Variants in GDAP1 observed in about 807,000 individuals in gnomAD.
The protein encoded by GDAP1 is ganglioside induced differentiation associated protein 1.
GDAP1 carries 34 observed loss-of-function variants against 40.1 expected under a neutral mutation model. The observed-to-expected ratio is 0.85, with a 90% CI of 0.64 to 1.13. GDAP1 has a LOEUF of 1.13. Among genes scored for constraint, GDAP1 ranks in the 50% most tolerant of loss-of-function variants. The probability of loss-of-function intolerance (pLI) is 0.00; values close to 1 mark genes in which losing one functional copy is unlikely to be tolerated. For synonymous variants in GDAP1, 170 were observed against 157.4 expected (o/e 1.08, Z -0.60); for missense variants, 374 against 433.7 (o/e 0.86, Z 1.22).
rs138993604 is a variant in GDAP1, at chr8:74,463,760, G to A, written c.166-24918G>A. Among the ~76,000 whole-genome samples, 122 of 152,174 alleles carry A rather than the reference G, an allele frequency of 8.0e-4. 1 individual carries two copies. Among genetic ancestry groups the A allele is most frequent in the African/African-American group, 2.8e-3 (115 of 41,518 alleles). On this transcript the variant is annotated intron_variant, in intron 2 of 2. Coordinates refer to the GDAP1 transcript ENST00000523640. ...AAATTGGAATATCAACCTTAAAATG[G>A]TTACTACCACAATTACAAGAAAGCA...
At chr8:74,362,090 A>G in intron 4 of GDAP1, 112 bp downstream of exon 4, 2 of 707,926 alleles carry the variant, frequency 2.8e-6, no homozygotes, top group Non-Finnish European at 2.5e-6. Flanking sequence ...GCAGTTCACC[A>G]GTACACATGT....
intron 2 of GDAP1, among the ~76,000 whole-genome samples, chr8:74,447,990 G>A (rs1455809195): frequency 6.6e-6 from 1 of 152,164 alleles, no homozygotes; most frequent in African/African-American, 2.4e-5. Context: ...CTGTGTTTTG[G>A]ATAAGGGATA....
At chr8:74,424,974 A>G (rs1485848261) in intron 2 of GDAP1, among the ~76,000 whole-genome samples, 4 of 152,180 alleles carry the variant, frequency 2.6e-5, no homozygotes, top group Admixed American at 6.5e-5. Context: ...TCTTCATCCC[A>G]TAAGATGAGA....
At chr8:74,372,095 A>T (rs1178985891) in intron 2 of GDAP1, among the ~76,000 whole-genome samples, 1 of 152,202 alleles carries the variant, frequency 6.6e-6, no homozygotes, top group East Asian at 1.9e-4. Context: ...AAAGGACATG[A>T]ACTCATCATT....
intron 2 of GDAP1, among the ~76,000 whole-genome samples, chr8:74,420,110 T>C (rs1805836710): frequency 6.6e-6 from 1 of 152,220 alleles, no homozygotes; most frequent in Admixed American, 6.5e-5. Context: ...ACTTTGTTCT[T>C]TTTCTGGATT....
intron 2 of GDAP1, among the ~76,000 whole-genome samples, chr8:74,356,716 A>ATATATATATATTTTTTTTTTT (rs375377157): frequency 9.6e-6 from 1 of 104,362 alleles, no homozygotes; most frequent in Non-Finnish European, 1.8e-5. Context: ...ATATATATAT[A>ATATATATATATTTTTTTTTTT]TTTTTTTTTT....
In GDAP1 at chr8:74,365,953, T is replaced by C. The variant is rs1351568578; in HGVS notation, c.*1586T>C. 6.6e-6 allele frequency: 3 copies of C among 452,748 alleles called. No individual in the cohort carries two copies. Among genetic ancestry groups the C allele is most frequent in the Admixed American group, 2.4e-5 (1 of 42,370 alleles). 28.0% of individuals were successfully genotyped at this position (452,748 alleles called of 1,614,324 possible). ...TATTCATTAGAGCCATAGAAGTTAT[T>C]ATTCATTAGTTCATAGTGTTTGAGT... On this transcript the variant is annotated 3_prime_UTR_variant, in exon 6 of 6. Transcript: ENST00000220822.
In GDAP1 at chr8:74,364,505, A is replaced by G. The variant is rs1809529907; in HGVS notation, c.*138A>G. 1.1e-6 allele frequency: 1 copy of G among 887,814 alleles called. No individual in the cohort carries two copies. The highest frequency in any genetic ancestry group is 1.6e-5 in the African/African-American group (1 of 61,058). 55.0% of individuals were successfully genotyped at this position (887,814 alleles called of 1,614,324 possible). The stretch of plus-strand genomic sequence containing the variant: ...ATTCAGAAGTCATCTTTGTTACACA[A>G]CACAGGGGTTCAGGTAGCAATAGGA... On this transcript the variant is annotated 3_prime_UTR_variant, in exon 6 of 6. Transcript: ENST00000220822.
intron 2 of GDAP1, among the ~76,000 whole-genome samples, chr8:74,406,938 G>T (rs1805648453): frequency 6.7e-6 from 1 of 149,656 alleles, no homozygotes; most frequent in Non-Finnish European, 1.5e-5. Flanking sequence ...ACTTAGAATG[G>T]CTGTTAATCA....
chr8:74,397,456 C>A (rs1399331942), intron 2 of GDAP1, among the ~76,000 whole-genome samples: 1 of 152,066 alleles, frequency 6.6e-6, no homozygotes, highest in East Asian at 1.9e-4. Flanking sequence ...AATGGTAATG[C>A]CTAGGTTTTC....
chr8:74,481,307 G>C (rs996245134), intron 2 of GDAP1, among the ~76,000 whole-genome samples: 1 of 152,220 alleles, frequency 6.6e-6, no homozygotes, highest in Non-Finnish European at 1.5e-5. Flanking sequence ...AGCCAGGTCA[G>C]TTCTACTACC....
At chr8:74,356,716 A>ATATATATATATTTTTTTTTTTT (rs375377157) in intron 2 of GDAP1, among the ~76,000 whole-genome samples, 1 of 104,362 alleles carries the variant, frequency 9.6e-6, no homozygotes, top group African/African-American at 4.1e-5. Context: ...ATATATATAT[A>ATATATATATATTTTTTTTTTTT]TTTTTTTTTT....
chr8:74,458,520 G>T (rs546949976), intron 2 of GDAP1, among the ~76,000 whole-genome samples: 95 of 152,264 alleles, frequency 6.2e-4, no homozygotes, highest in African/African-American at 2.1e-3. Context: ...AGGAAGCAGT[G>T]CAAGGTCCAT....
chr8:74,371,366 A>G (rs1485940261), downstream of GDAP1, among the ~76,000 whole-genome samples: 3 of 152,350 alleles, frequency 2.0e-5, no homozygotes, highest in Non-Finnish European at 2.9e-5. Context: ...ATCATAAGGG[A>G]ATAAGAAAAT....
chr8:74,472,714 C>A (rs570739811), intron 2 of GDAP1, among the ~76,000 whole-genome samples: 16 of 10,096 alleles, frequency 1.6e-3, no homozygotes, highest in Admixed American at 4.8e-3. Context: ...GCTTTCTTTT[C>A]TTTTCTTTTC....
rs557169252 is a variant in GDAP1 at position 74,483,641 on chromosome 8, A to G, written c.166-5037A>G. Among the ~76,000 whole-genome samples the G allele has an allele frequency of 3.3e-5, 5 of 152,294 alleles. No individual in the cohort carries two copies. In the East Asian group the frequency reaches 9.7e-4, roughly 29 times the overall value. ...GAAACTCCATACTCTCAGAGGCACT[A>G]CTAAGCAGTGAGTGGAGATTATTTT... On this transcript the variant is annotated intron_variant, in intron 2 of 2. Transcript: ENST00000523640.
At chr8:74,446,816 T>G (rs1806235618) in intron 2 of GDAP1, among the ~76,000 whole-genome samples, 1 of 152,138 alleles carries the variant, frequency 6.6e-6, no homozygotes, top group African/African-American at 2.4e-5. Flanking sequence ...TAAAAGACCG[T>G]GTAACACATG....
intron 2 of GDAP1, among the ~76,000 whole-genome samples, chr8:74,469,594 G>C (rs1044288662): frequency 6.6e-6 from 1 of 151,832 alleles, no homozygotes; most frequent in Admixed American, 6.6e-5. Flanking sequence ...CGTGAACCCC[G>C]GGGAGCGGAG....
At chr8:74,462,293 C>A (rs996096977) in intron 2 of GDAP1, among the ~76,000 whole-genome samples, 7 of 152,114 alleles carry the variant, frequency 4.6e-5, no homozygotes, top group Non-Finnish European at 8.8e-5. Context: ...TAATAGAAAA[C>A]TAAGAAAATA....
Sources: gnomAD v4.1 joint callset for allele counts (sites outside exome capture counted in the v4.1 genomes callset) on GRCh38, gnomAD v4.1.1 for gene constraint, MANE v1.5 for transcripts, NCBI Gene and HGNC (gene_info 2026-07-23, HGNC 2026-07-21) for gene names.